The following NALF1 variants were observed in gnomAD, a reference collection of about 807,000 sequenced individuals.
NALF1 encodes family with sequence similarity 155 member A.
In NALF1, 3 loss-of-function variants were observed where a neutral mutation model predicts 48.4. The observed-to-expected ratio is 0.06, with a 90% CI of 0.03 to 0.16. NALF1 has a LOEUF of 0.16. Ranked by LOEUF, NALF1 falls within the 10% of genes least tolerant of loss-of-function variation. The pLI is 1.00. For synonymous variants in NALF1, 262 were observed against 245.7 expected, an observed-to-expected ratio of 1.07 and a Z score of -0.62; for missense variants, 526 against 571.5, an observed-to-expected ratio of 0.92 and a Z score of 0.81.
At chr13:107,290,268 G>A (rs1287801314) in intron 1 of NALF1, among the ~76,000 whole-genome samples, 1 of 151,736 alleles carries the variant, frequency 6.6e-6, no homozygotes, top group African/African-American at 2.4e-5. Context: ...ATTCATGACA[G>A]TGATTTTAGT....
chr13:107,755,209 C>G (rs150238006), intron 1 of NALF1, among the ~76,000 whole-genome samples: 9 of 152,102 alleles, frequency 5.9e-5, no homozygotes, highest in Non-Finnish European at 1.0e-4. Flanking sequence ...GTCCTGCCTA[C>G]GGCTCCCTTT....
In NALF1 at chr13:107,799,570, C is replaced by G. The variant is rs1026786355; in HGVS notation, c.915+66112G>C. Among the ~76,000 whole-genome samples the G allele has an allele frequency of 2.6e-5, 4 of 152,198 alleles. No individual in the cohort carries two copies. In the South Asian group the frequency reaches 8.3e-4, roughly 31 times the overall value. On this transcript the variant is annotated intron_variant, in intron 1 of 2. Coordinates refer to ENST00000375915, the MANE Select transcript of NALF1 (RefSeq NM_001080396.3). ...ACAAGAAGTTTGCACTCACAATTCA[C>G]TTTTACAAATAATTCTTACCTTTTA...
chr13:107,742,197 G>A (rs1184696371), intron 1 of NALF1, among the ~76,000 whole-genome samples: 2 of 152,138 alleles, frequency 1.3e-5, no homozygotes, highest in African/African-American at 4.8e-5. Flanking sequence ...CTTGTCCTTT[G>A]ATGGATCACT....
intron 1 of NALF1, among the ~76,000 whole-genome samples, chr13:107,453,715 T>C (rs572281883): frequency 6.6e-6 from 1 of 152,344 alleles, no homozygotes; most frequent in Admixed American, 6.5e-5. Flanking sequence ...GAAACAAGTT[T>C]TTCTTTTCTA....
chr13:107,636,115 C>T (rs1465262664), intron 1 of NALF1, among the ~76,000 whole-genome samples: 1 of 152,018 alleles, frequency 6.6e-6, no homozygotes, highest in Non-Finnish European at 1.5e-5. Context: ...TTGCACCAGC[C>T]TGCCCTCATC....
At chr13:107,197,800 T>C (rs897026887) in intron 2 of NALF1, among the ~76,000 whole-genome samples, 1 of 152,226 alleles carries the variant, frequency 6.6e-6, no homozygotes, top group African/African-American at 2.4e-5. Context: ...TTTAATAAAT[T>C]TGAAGTTTCC....
At chr13:107,407,623 G>T (rs1477156135) in intron 1 of NALF1, among the ~76,000 whole-genome samples, 1 of 152,094 alleles carries the variant, frequency 6.6e-6, no homozygotes, top group South Asian at 2.1e-4. Flanking sequence ...TGCTGGCAAG[G>T]ATGTGGAGAA....
At chr13:107,565,328 T>C (rs1213639737) in intron 1 of NALF1, among the ~76,000 whole-genome samples, 1 of 144,244 alleles carries the variant, frequency 6.9e-6, no homozygotes. Context: ...AAGGCTCCAG[T>C]GAGCTGCCAT....
intron 1 of NALF1, among the ~76,000 whole-genome samples, chr13:107,799,176 G>A (rs1356611079): frequency 6.6e-6 from 1 of 152,158 alleles, no homozygotes; most frequent in South Asian, 2.1e-4. Flanking sequence ...GAAAAAATGA[G>A]TGTGGCGTCA....
chr13:107,525,505 T>C (rs1876401270), intron 1 of NALF1, among the ~76,000 whole-genome samples: 1 of 152,148 alleles, frequency 6.6e-6, no homozygotes, highest in Non-Finnish European at 1.5e-5. Flanking sequence ...CACAGTTTGT[T>C]CATCCTTTCA....
At chr13:107,329,519 A>T (rs1882428369) in intron 1 of NALF1, among the ~76,000 whole-genome samples, 1 of 151,326 alleles carries the variant, frequency 6.6e-6, no homozygotes, top group African/African-American at 2.4e-5. Flanking sequence ...TTATTATTAT[A>T]CTTTAAGTTT....
chr13:107,279,092 G>T (rs1470932072), intron 1 of NALF1, among the ~76,000 whole-genome samples: 1 of 120,612 alleles, frequency 8.3e-6, no homozygotes, highest in African/African-American at 3.2e-5. Context: ...CTCAAACTCT[G>T]AATTTCTACA....
intron 1 of NALF1, among the ~76,000 whole-genome samples, chr13:107,723,342 G>A (rs1000014873): frequency 6.6e-6 from 1 of 151,998 alleles, no homozygotes; most frequent in African/African-American, 2.4e-5. Context: ...TTAAGACCTG[G>A]CAAGCTCAAA....
chr13:107,761,001 AGTTTT>A (rs1877246117), intron 1 of NALF1, among the ~76,000 whole-genome samples: 1 of 152,186 alleles, frequency 6.6e-6, no homozygotes, highest in Non-Finnish European at 1.5e-5. Flanking sequence ...TCATTTGTTG[AGTTTT>A]CACTAACAGA....
At chr13:107,415,650 G>A (rs1306787311) in intron 1 of NALF1, among the ~76,000 whole-genome samples, 6 of 152,206 alleles carry the variant, frequency 3.9e-5, no homozygotes, top group Non-Finnish European at 8.8e-5. Flanking sequence ...CTCTGAATAT[G>A]TGGAGAATTG....
At chr13:107,366,641 ATAAAT>A (rs1357631650) in intron 1 of NALF1, among the ~76,000 whole-genome samples, 3 of 152,238 alleles carry the variant, frequency 2.0e-5, no homozygotes, top group Non-Finnish European at 4.4e-5. Context: ...GCTTTGGAAA[ATAAAT>A]TAAACTGTGG....
chr13:107,242,714 G>A (rs751900167), intron 1 of NALF1, among the ~76,000 whole-genome samples: 15 of 151,984 alleles, frequency 9.9e-5, no homozygotes, highest in Middle Eastern at 3.2e-3. Context: ...GTGGAAACAA[G>A]GCTCGGTTTA....
At chr13:107,674,543 A>T (rs1232726321) in intron 1 of NALF1, among the ~76,000 whole-genome samples, 2 of 152,144 alleles carry the variant, frequency 1.3e-5, no homozygotes, top group Admixed American at 1.3e-4. Context: ...TTTTTCTTAA[A>T]TAGCATTTAT....
At chr13:107,470,801 A>G (rs1885088302) in intron 1 of NALF1, among the ~76,000 whole-genome samples, 1 of 152,188 alleles carries the variant, frequency 6.6e-6, no homozygotes, top group Non-Finnish European at 1.5e-5. Flanking sequence ...TTATTATAAT[A>G]TAATACACAT....
Sources: gnomAD v4.1 joint callset for allele counts (sites outside exome capture counted in the v4.1 genomes callset) on GRCh38, gnomAD v4.1.1 for gene constraint, MANE v1.5 for transcripts, NCBI Gene and HGNC (gene_info 2026-07-23, HGNC 2026-07-21) for gene names.